Variants in PVT1 observed in about 807,000 individuals in gnomAD.
PVT1 encodes the protein Pvt1 oncogene.
chr8:127,802,772 T>C (rs1814480008), intron 2 of PVT1, among the ~76,000 whole-genome samples: 1 of 152,138 alleles, frequency 6.6e-6, no homozygotes. Flanking sequence ...ACCGTTGCCA[T>C]CTTCGGGAAG....
chr8:128,000,196 C>T (rs1436653397), intron 4 of PVT1, among the ~76,000 whole-genome samples: 1 of 152,216 alleles, frequency 6.6e-6, no homozygotes, highest in Non-Finnish European at 1.5e-5. Flanking sequence ...TCAGGGATGT[C>T]CCTGCTTTCC....
At position 127,952,824 on chromosome 8, in the gene PVT1, G is replaced by A. The variant is rs544732756; in HGVS notation, n.783-36338G>A. On this transcript the variant is annotated intron_variant and non_coding_transcript_variant, in intron 3 of 10. Transcript: ENST00000651587. ...CTGTGGCCCAGGCTGGAGTGCAAAG[G>A]CGCGATCTCAGCTCACTGCAACCTC... Among the ~76,000 whole-genome samples the A allele has an allele frequency of 5.3e-5, 8 of 152,076 alleles. No homozygotes were observed. In the East Asian group the frequency reaches 1.5e-3, roughly 29 times the overall value.
chr8:127,804,208 C>A (rs1173155940), intron 2 of PVT1, among the ~76,000 whole-genome samples: 2 of 152,006 alleles, frequency 1.3e-5, no homozygotes, highest in African/African-American at 4.8e-5. Context: ...AGAATGAGAC[C>A]CTGTCTCTAA....
At chr8:127,996,915 G>A (rs919615481) in intron 4 of PVT1, among the ~76,000 whole-genome samples, 1 of 152,068 alleles carries the variant, frequency 6.6e-6, no homozygotes, top group Non-Finnish European at 1.5e-5. Context: ...TGTGAGCCTC[G>A]GTTTCCTCTG....
intron 3 of PVT1, among the ~76,000 whole-genome samples, chr8:127,955,713 G>T (rs893877712): frequency 6.6e-6 from 1 of 152,060 alleles, no homozygotes; most frequent in Non-Finnish European, 1.5e-5. Context: ...CTCCCGAGTA[G>T]CTGGGATTAC....
At chr8:127,976,615 C>T (rs1816825177) in intron 3 of PVT1, among the ~76,000 whole-genome samples, 1 of 152,114 alleles carries the variant, frequency 6.6e-6, no homozygotes, top group South Asian at 2.1e-4. Context: ...ATAATAACAC[C>T]GGCACCTACT....
intron 2 of PVT1, among the ~76,000 whole-genome samples, chr8:127,822,038 T>A (rs960866438): frequency 6.6e-6 from 1 of 152,186 alleles, no homozygotes; most frequent in Non-Finnish European, 1.5e-5. Flanking sequence ...TTGTTTAAAC[T>A]CTCAGAGCTT....
intron 4 of PVT1, chr8:128,010,584 G>T (rs1267093327): frequency 6.6e-6 from 1 of 152,104 alleles, no homozygotes; most frequent in Non-Finnish European, 1.5e-5. Flanking sequence ...AAACCTCATT[G>T]GCTACGATAC....
chr8:128,002,841 T>G (rs1041710696), intron 4 of PVT1, among the ~76,000 whole-genome samples: 1 of 152,200 alleles, frequency 6.6e-6, no homozygotes, highest in African/African-American at 2.4e-5. Flanking sequence ...CACAACAGAG[T>G]ATAAGGAGAA....
chr8:128,020,202 A>C (rs1206074811), intron 4 of PVT1, among the ~76,000 whole-genome samples: 1 of 152,188 alleles, frequency 6.6e-6, no homozygotes, highest in Admixed American at 6.5e-5. Flanking sequence ...GGCCCTCTAA[A>C]GATGCCCATG....
intron 2 of PVT1, among the ~76,000 whole-genome samples, chr8:127,829,610 A>G (rs1007202853): frequency 2.6e-5 from 4 of 152,182 alleles, no homozygotes; most frequent in Admixed American, 6.5e-5. Flanking sequence ...TGAGTTTTAC[A>G]TTTCAGCTCT....
intron 3 of PVT1, among the ~76,000 whole-genome samples, chr8:127,916,157 T>G (rs1204586191): frequency 6.6e-6 from 1 of 152,216 alleles, no homozygotes; most frequent in Non-Finnish European, 1.5e-5. Flanking sequence ...AAATGTGCAG[T>G]GGGAGAGCAT....
chr8:127,803,285 AC>A (rs1164087981), intron 2 of PVT1: 1 of 150,602 alleles, frequency 6.6e-6, no homozygotes, highest in East Asian at 2.0e-4. Flanking sequence ...CCCGCCCACC[AC>A]GCCCGGCTAA....
chr8:128,046,361 G>A (rs562657359), intron 4 of PVT1, among the ~76,000 whole-genome samples: 6 of 152,222 alleles, frequency 3.9e-5, no homozygotes, highest in African/African-American at 1.2e-4. Flanking sequence ...AACTGTCCAC[G>A]GGGTCGGTCA....
At chr8:128,067,953 GTT>G (rs34269945) in intron 4 of PVT1, among the ~76,000 whole-genome samples, 33,988 of 142,578 alleles carry the variant, frequency 0.24, 3,810 homozygotes, top group East Asian at 0.37. Flanking sequence ...CATACTTTGT[GTT>G]TTTTTTTTTT....
chr8:127,821,593 G>A (rs1025965619), intron 2 of PVT1, among the ~76,000 whole-genome samples: 2 of 151,920 alleles, frequency 1.3e-5, no homozygotes, highest in Non-Finnish European at 2.9e-5. Flanking sequence ...GGCTGATCAC[G>A]AGGTCAGAAG....
chr8:128,035,163 G>A (rs1242485648), intron 4 of PVT1, among the ~76,000 whole-genome samples: 1 of 152,222 alleles, frequency 6.6e-6, no homozygotes, highest in Non-Finnish European at 1.5e-5. Context: ...CCAGGGCACA[G>A]CAGTAAACCT....
In PVT1 at chr8:127,809,053, AAAG is replaced by A. The variant is rs1418978196; in HGVS notation, n.372+12985_372+12987del. ...TCAAAAAAAAAAAAAAAAAAAAAAA[AAAG>A]AAAGAAAAAAAAGAAAAAGAAAAGG... is the stretch of plus-strand genomic sequence containing the variant. On this transcript the variant is annotated intron_variant and non_coding_transcript_variant, in intron 2 of 10. Transcript: ENST00000651587. Among the ~76,000 whole-genome samples, 35 of 129,142 alleles carry A rather than the reference AAAG, an allele frequency of 2.7e-4. 2 individuals are homozygous for A. Among genetic ancestry groups the A allele is most frequent in the African/African-American group, 7.8e-4 (20 of 25,502 alleles). 84.7% of individuals were successfully genotyped at this position (129,142 alleles called of 152,430 possible). A position where few individuals can be genotyped will look rare whatever the true frequency, so the allele number is the denominator to read the frequency against.
Position 127,939,084 on chromosome 8 carries a change from G to A in PVT1, n.782+48086G>A, listed in dbSNP as rs552657444. 2.6e-5 allele frequency among the ~76,000 whole-genome samples: 4 copies of A among 152,360 alleles called. No individual in the cohort carries two copies. The East Asian group carries it at 7.7e-4, about 29-fold the overall frequency. On this transcript the variant is annotated intron_variant and non_coding_transcript_variant, in intron 3 of 10. Coordinates refer to ENST00000651587, the Ensembl canonical transcript of PVT1. ...GGGGATTGGACCAAGGGGTCTTCTTGCTTCCGCTTTCTCTAGGCCAAGGCT... is the reference window on the plus strand; with the variant it reads ...GGGGATTGGACCAAGGGGTCTTCTTACTTCCGCTTTCTCTAGGCCAAGGCT...
Sources: allele counts gnomAD v4.1 joint callset (sites outside exome capture counted in the v4.1 genomes callset), GRCh38; gene constraint gnomAD v4.1.1; transcripts MANE v1.5; gene names NCBI Gene and HGNC (gene_info 2026-07-23, HGNC 2026-07-21).